The following TNRC6B variants were observed in gnomAD, a reference collection of about 807,000 sequenced individuals.
The protein encoded by TNRC6B is trinucleotide repeat-containing gene 6B protein.
A neutral mutation model predicts 203.6 loss-of-function variants in TNRC6B; 52 were observed. That is an observed-to-expected ratio of 0.26 (90% CI 0.20 to 0.32). The LOEUF is 0.32. Ranked by LOEUF, TNRC6B falls within the 10% of genes least tolerant of loss-of-function variation. The pLI, the probability that TNRC6B is intolerant of heterozygous loss-of-function variation, is 1.00. For missense variants in TNRC6B, 1,923 were observed against 2,286.2 expected (o/e 0.84, Z 3.24); for synonymous variants, 838 against 845.7 (o/e 0.99, Z 0.16).
Position 40,109,099 on chromosome 22 carries a change from C to T in TNRC6B, c.-120-7956C>T, listed in dbSNP as rs531574291. Among the ~76,000 whole-genome samples, 15 of 152,244 alleles carry T rather than the reference C, an allele frequency of 9.9e-5. 2 individuals carry two copies. In the South Asian group the frequency reaches 2.5e-3, roughly 25 times the overall value. On this transcript the variant is annotated intron_variant, in intron 1 of 23. Coordinates refer to the TNRC6B transcript ENST00000301923. ...GCTTCCAGCTGCATCCGTGTTCCTG[C>T]GAAGCACATGATCTCATTCCTCTTT...
intron 1 of TNRC6B, among the ~76,000 whole-genome samples, chr22:40,069,931 T>G (rs2067932896): frequency 6.6e-6 from 1 of 152,050 alleles, no homozygotes; most frequent in African/African-American, 2.4e-5. Context: ...TTGTAGGAGG[T>G]GGGGAGTTGG....
At chr22:40,124,824 C>T (rs1362370562) in intron 2 of TNRC6B, among the ~76,000 whole-genome samples, 1 of 151,886 alleles carries the variant, frequency 6.6e-6, no homozygotes, top group African/African-American at 2.4e-5. Context: ...ACCAGTCTAT[C>T]CAACATAGTG....
Position 40,270,128 on chromosome 22 carries a change from G to C in TNRC6B, c.2813G>C (p.Ser938Thr). 1 of 1,584,890 alleles carries C rather than the reference G, an allele frequency of 6.3e-7. No homozygotes were observed. The highest frequency in any genetic ancestry group is 2.3e-5 in the East Asian group (1 of 43,870). The change falls in exon 6 of 23, where the codon AGC becomes ACC. Residue 938 changes from serine (S) to threonine (T), a missense_variant. By Grantham distance (58) the Ser-to-Thr change is moderately conservative. Around this residue, in one of 8 missense-constraint regions of TNRC6B, gnomAD observed 599 missense variants for 656.5 expected, o/e 0.91. Transcript: ENST00000454349. ...PMTSKSASVW[S>T]KSTPPAPDNG... ...ACATTTCCTTTCTTTATAGTCTGGA[G>C]CAAAAGCACACCACCTGCTCCAGAT...
At chr22:40,169,131 T>G (rs1232795284) in intron 4 of TNRC6B, among the ~76,000 whole-genome samples, 1 of 45,420 alleles carries the variant, frequency 2.2e-5, no homozygotes, top group African/African-American at 6.2e-5. Flanking sequence ...TGGAATCTTC[T>G]TTTTTTTTTT....
intron 1 of TNRC6B, among the ~76,000 whole-genome samples, chr22:40,084,806 T>A (rs1161046128): frequency 6.6e-6 from 1 of 152,154 alleles, no homozygotes; most frequent in Non-Finnish European, 1.5e-5. Flanking sequence ...AGGAGTCAGA[T>A]GACGAAGGGT....
intron 2 of TNRC6B, chr22:40,125,688 G>T (rs1198095862): frequency 1.2e-6 from 1 of 836,296 alleles, no homozygotes. Context: ...TGGCCTTATT[G>T]AGAGAATTTC....
chr22:40,057,911 TAA>T (rs2067814382), intron 1 of TNRC6B, among the ~76,000 whole-genome samples: 1 of 152,186 alleles, frequency 6.6e-6, no homozygotes, highest in African/African-American at 2.4e-5. Context: ...ACCTTCTAAA[TAA>T]AGACTTTCCT....
At chr22:40,252,368 G>A (rs1298880998) in intron 3 of TNRC6B, among the ~76,000 whole-genome samples, 1 of 152,212 alleles carries the variant, frequency 6.6e-6, no homozygotes, top group East Asian at 1.9e-4. Context: ...CTTGGAGGAG[G>A]ACAGGGGTGA....
intron 2 of TNRC6B, among the ~76,000 whole-genome samples, chr22:40,250,463 C>CT (rs201609847): frequency 9.9e-4 from 142 of 143,574 alleles, no homozygotes; most frequent in Admixed American, 3.4e-3. Context: ...GAAATACTTT[C>CT]TTTTTTTTTT....
chr22:40,160,342 G>A (rs577447902), intron 4 of TNRC6B, among the ~76,000 whole-genome samples: 42 of 152,044 alleles, frequency 2.8e-4, no homozygotes, highest in African/African-American at 9.4e-4. Flanking sequence ...TGGGCGTGGT[G>A]GTACATGCCT....
At position 40,321,238 on chromosome 22, in the gene TNRC6B, T is replaced by C. The variant is rs1050800742; in HGVS notation, c.5114+9T>C. 1 of 1,613,468 alleles carries C rather than the reference T, an allele frequency of 6.2e-7. No individual in the cohort carries two copies. Among genetic ancestry groups the C allele is most frequent in the Non-Finnish European group, 8.5e-7 (1 of 1,179,854 alleles). On this transcript the variant is annotated intron_variant, in intron 22 of 22. Coordinates refer to ENST00000454349, the MANE Select transcript of TNRC6B (RefSeq NM_001162501.2). Reference sequence around the variant, plus strand: ...CAAACTGCACTGCACATGTGAGTATTCGGTCCTACACCCACGTAGACAAAC... The same window carrying C: ...CAAACTGCACTGCACATGTGAGTATCCGGTCCTACACCCACGTAGACAAAC...
chr22:40,301,387 GT>G (rs1297243530), intron 15 of TNRC6B, 54 bp downstream of exon 15: 3 of 1,555,830 alleles, frequency 1.9e-6, no homozygotes, highest in Non-Finnish European at 2.6e-6. Context: ...CTCTAGGCCT[GT>G]GGTAGGGGTT....
intron 1 of TNRC6B, among the ~76,000 whole-genome samples, chr22:40,081,267 A>G (rs557602418): frequency 1.3e-4 from 20 of 148,154 alleles, no homozygotes; most frequent in African/African-American, 4.0e-4. Context: ...TAATTCTTCA[A>G]TGTATCCAGG....
intron 16 of TNRC6B, among the ~76,000 whole-genome samples, chr22:40,310,439 T>G (rs1171049494): frequency 6.6e-6 from 1 of 152,200 alleles, no homozygotes; most frequent in Non-Finnish European, 1.5e-5. Context: ...GTGCTACAAA[T>G]GGTTAGAATT....
At position 40,301,585 on chromosome 22, in the gene TNRC6B, T is replaced by TTG. The variant is rs369108652; in HGVS notation, c.4120+268_4120+269dup. On this transcript the variant is annotated intron_variant, in intron 15 of 22. Coordinates refer to ENST00000454349, the MANE Select transcript of TNRC6B (RefSeq NM_001162501.2). ...GGCTCCAAAGCAGTCTTCCTTTTTT[T>TTG]TGTGTGTGTGTGTGTGTCTGGTTTA... 504 of 491,126 alleles carry TTG rather than the reference T, an allele frequency of 1.0e-3. 1 individual carries two copies. The highest frequency in any genetic ancestry group is 3.5e-3 in the African/African-American group (181 of 51,290). 30.4% of individuals were successfully genotyped at this position (491,126 alleles called of 1,614,324 possible).
chr22:40,089,635 C>T (rs1240487689), intron 1 of TNRC6B, among the ~76,000 whole-genome samples: 1 of 152,106 alleles, frequency 6.6e-6, no homozygotes, highest in Non-Finnish European at 1.5e-5. Context: ...GCCAGCCTCC[C>T]GCAGTGTCAC....
intron 1 of TNRC6B, among the ~76,000 whole-genome samples, chr22:40,115,320 T>A (rs1286288858): frequency 6.6e-6 from 1 of 152,230 alleles, no homozygotes; most frequent in African/African-American, 2.4e-5. Context: ...ATTAGTGTTA[T>A]TCTCTTGATA....
intron 1 of TNRC6B, among the ~76,000 whole-genome samples, chr22:40,082,715 A>G (rs1031155835): frequency 1.5e-4 from 23 of 152,200 alleles, no homozygotes; most frequent in African/African-American, 5.6e-4. Context: ...ATAGTCAGAG[A>G]AATGGAGAAC....
chr22:40,267,078 G>T (rs930752713), intron 5 of TNRC6B, 42 bp downstream of exon 5: 4 of 1,482,500 alleles, frequency 2.7e-6, no homozygotes, highest in Middle Eastern at 4.9e-4. Context: ...TGAAGAAAAG[G>T]AATCCTAGAC....
Sources: gnomAD v4.1 joint callset for allele counts (sites outside exome capture counted in the v4.1 genomes callset) on GRCh38, gnomAD v4.1.1 for gene constraint, gnomAD v4.1.1 regional missense constraint, MANE v1.5 for transcripts, NCBI Gene and HGNC (gene_info 2026-07-23, HGNC 2026-07-21) for gene names.